CTSZ: variants seen among roughly 807,000 people sequenced by gnomAD.
CTSZ encodes cathepsin Z, also known as carboxypeptidase LB.
A neutral mutation model predicts 32.4 loss-of-function variants in CTSZ; 39 were observed. The observed-to-expected ratio is 1.20, with a 90% CI of 0.93 to 1.57. The LOEUF is 1.57. Ranked by LOEUF, CTSZ falls within the 40% of genes most tolerant of loss-of-function variation. CTSZ has a pLI of 0.00. For synonymous variants in CTSZ, 168 were observed against 170.1 expected, an observed-to-expected ratio of 0.99 and a Z score of 0.10; for missense variants, 397 against 419.6, an observed-to-expected ratio of 0.95 and a Z score of 0.47.
intron 4 of CTSZ, 56 bp downstream of exon 4, chr20:58,997,547 C>T: frequency 6.8e-7 from 1 of 1,474,838 alleles, no homozygotes; most frequent in East Asian, 2.5e-5. Flanking sequence ...CTTTCCTCAC[C>T]CGCGGGACCT....
chr20:58,996,213 A>G (rs1293130238), intron 5 of CTSZ, among the ~76,000 whole-genome samples: 2 of 152,222 alleles, frequency 1.3e-5, no homozygotes, highest in African/African-American at 4.8e-5. Context: ...CAACTCGAGT[A>G]TTTTTGAAAA....
chr20:58,997,769 A>G lies in CTSZ; in HGVS notation c.488-16T>C. On this transcript the variant is annotated splice_polypyrimidine_tract_variant and intron_variant, in intron 3 of 5. Coordinates refer to ENST00000217131, the MANE Select transcript of CTSZ (RefSeq NM_001336.4). ...TTGTCACACTCTGGGGGAGAGCAAG[A>G]AAAGTCAGCATGAGGCCGTCTCCTC... 6.3e-7 allele frequency: 1 copy of G among 1,583,268 alleles called. No individual in the cohort carries two copies. Among genetic ancestry groups the G allele is most frequent in the Non-Finnish European group, 8.6e-7 (1 of 1,164,918 alleles).
At position 58,995,750 on chromosome 20, in the gene CTSZ, C is replaced by T; in HGVS notation, c.811G>A (p.Gly271Ser). The T allele has an allele frequency of 6.2e-7, 1 of 1,614,038 alleles. No homozygotes were observed. Among genetic ancestry groups the T allele is most frequent in the Non-Finnish European group, 8.5e-7 (1 of 1,179,966 alleles). ...NSWGEPWGER[G>S]WLRIVTSTYK... Reference sequence around the variant, plus strand: ...GTGCTGGTCACGATCCTCAGCCAGCCTCTCTCGCCCTGTGAGAAGTGGGAT... The same window carrying T: ...GTGCTGGTCACGATCCTCAGCCAGCTTCTCTCGCCCTGTGAGAAGTGGGAT... The change falls in exon 6 of 6, where the codon GGC becomes AGC. Residue 271 changes from glycine (G) to serine (S), a missense_variant. By Grantham distance (56) the Gly-to-Ser change is moderately conservative. Transcript: ENST00000217131.
intron 3 of CTSZ, among the ~76,000 whole-genome samples, chr20:59,000,404 A>G (rs1317546787): frequency 6.6e-6 from 1 of 152,004 alleles, no homozygotes; most frequent in Non-Finnish European, 1.5e-5. Flanking sequence ...AACAAACAAA[A>G]CCTACCAATT....
rs1484002412 is a variant in CTSZ at position 58,996,632 on chromosome 20, A to C, written c.801+7T>G. ...GGAATGACCTTAAGAAAATGAAAAC[A>C]TCTTACCCATGGTTCACCCCATGAA... On this transcript the variant is annotated splice_region_variant and intron_variant, in intron 5 of 5. Coordinates refer to ENST00000217131, the MANE Select transcript of CTSZ (RefSeq NM_001336.4). The C allele has an allele frequency of 2.5e-6, 4 of 1,613,988 alleles. No individual in the cohort carries two copies. The Admixed American group carries it at 6.7e-5, about 27-fold the overall frequency.
intron 3 of CTSZ, among the ~76,000 whole-genome samples, chr20:58,998,546 CAAAA>C (rs148092871): frequency 1.5e-5 from 2 of 129,130 alleles, no homozygotes; most frequent in Non-Finnish European, 3.2e-5. Context: ...GACTCCGTCT[CAAAA>C]AAAAAGAAAG....
At chr20:59,006,215 T>G in intron 2 of CTSZ, 107 bp downstream of exon 2, 1 of 1,397,936 alleles carries the variant, frequency 7.2e-7, no homozygotes, top group Non-Finnish European at 9.5e-7. Flanking sequence ...CAGGCTGACC[T>G]GGCCTTGAAT....
intron 3 of CTSZ, among the ~76,000 whole-genome samples, chr20:58,998,558 AAG>A (rs1491496650): frequency 4.0e-5 from 6 of 151,088 alleles, no homozygotes; most frequent in African/African-American, 1.2e-4. Context: ...AAAAAAAAGA[AAG>A]AAAGAAAGAA....
rs73297226 is a variant in CTSZ at position 58,997,417 on chromosome 20, T to C, written c.638+186A>G. On this transcript the variant is annotated intron_variant, in intron 4 of 5. Transcript: ENST00000217131. Reference sequence around the variant, plus strand: ...TTAGAGGGGAAATGATGTGGCTGTCTCGAGCCTACTGAGTACAACCGGCCA... The same window carrying C: ...TTAGAGGGGAAATGATGTGGCTGTCCCGAGCCTACTGAGTACAACCGGCCA... 2,466 of 470,068 alleles carry C rather than the reference T, an allele frequency of 5.2e-3. 57 individuals are homozygous for C. The highest frequency in any genetic ancestry group is 0.044 in the African/African-American group (2,214 of 49,848). The allele number at this position is 470,068 out of a possible 1,614,324, so 29.1% of individuals were successfully genotyped here. A position where few individuals can be genotyped will look rare whatever the true frequency, so the allele number is the denominator to read the frequency against.
chr20:58,995,953 T>C (rs1252130384), intron 5 of CTSZ, among the ~76,000 whole-genome samples, 194 bp from the exon 6 acceptor site: 1 of 152,246 alleles, frequency 6.6e-6, no homozygotes, highest in Non-Finnish European at 1.5e-5. Context: ...ACATTTCACT[T>C]GGTTAATGTT....
intron 3 of CTSZ, among the ~76,000 whole-genome samples, chr20:58,999,237 T>G (rs1003974677): frequency 6.6e-6 from 1 of 152,058 alleles, no homozygotes; most frequent in Non-Finnish European, 1.5e-5. Context: ...GGTTTTACCA[T>G]GTTGGCCAGT....
At chr20:58,997,808 C>A in intron 3 of CTSZ, 55 bp from the exon 4 acceptor site, 2 of 1,494,306 alleles carry the variant, frequency 1.3e-6, no homozygotes, top group East Asian at 2.4e-5. Flanking sequence ...AACCCACTGA[C>A]AAAGAAGCCC....
At chr20:59,001,242 G>A (rs1284710966) in intron 3 of CTSZ, among the ~76,000 whole-genome samples, 8 of 152,224 alleles carry the variant, frequency 5.3e-5, no homozygotes, top group African/African-American at 1.9e-4. Context: ...AGATAGCAGA[G>A]GGGGCTTCTG....
chr20:59,000,483 G>T (rs2091884205), intron 3 of CTSZ, among the ~76,000 whole-genome samples: 1 of 152,240 alleles, frequency 6.6e-6, no homozygotes, highest in African/African-American at 2.4e-5. Flanking sequence ...GAATGTGCCA[G>T]CTCTAGGGAT....
In CTSZ at chr20:59,007,036, C is replaced by G. The variant is rs1217682081; in HGVS notation, c.93G>C (p.Gln31His). The G allele has an allele frequency of 6.8e-7, 1 of 1,472,632 alleles. No individual in the cohort carries two copies. Among genetic ancestry groups the G allele is most frequent in the South Asian group, 1.3e-5 (1 of 77,934 alleles). 91.2% of individuals were successfully genotyped at this position (1,472,632 alleles called of 1,614,324 possible). Residue 31 changes from glutamine (Q) to histidine (H), a missense_variant, in exon 1 of 6, where the codon CAG (glutamine) becomes CAC (histidine). By Grantham distance (24) the Gln-to-His change is conservative. Transcript: ENST00000217131. ...AQGGLYFRRG[Q>H]TCYRPLRGDG... ...CCCCCCGCAGAGGCCGGTAGCAGGTCTGTCCCCGGCGGAAGTAGAGGCCGC... is the reference window on the plus strand; with the variant it reads ...CCCCCCGCAGAGGCCGGTAGCAGGTGTGTCCCCGGCGGAAGTAGAGGCCGC...
At chr20:58,998,796 ACGG>A (rs1176339572) in intron 3 of CTSZ, among the ~76,000 whole-genome samples, 2 of 152,202 alleles carry the variant, frequency 1.3e-5, no homozygotes, top group Non-Finnish European at 2.9e-5. Flanking sequence ...CTCCATCCAC[ACGG>A]CGGCCCTCGG....
intron 5 of CTSZ, 113 bp downstream of exon 5, chr20:58,996,526 A>G: frequency 8.9e-7 from 1 of 1,129,594 alleles, no homozygotes; most frequent in South Asian, 1.3e-5. Flanking sequence ...GGAGCAAGGA[A>G]CCCTCTGTCA....
chr20:58,999,042 C>T (rs1568682294), intron 3 of CTSZ, among the ~76,000 whole-genome samples: 5 of 148,354 alleles, frequency 3.4e-5, no homozygotes, highest in African/African-American at 9.9e-5. Flanking sequence ...CTTTTCTTTT[C>T]TTTTTTTTTT....
chr20:59,001,220 C>A (rs2091887592), intron 3 of CTSZ, among the ~76,000 whole-genome samples: 1 of 152,206 alleles, frequency 6.6e-6, no homozygotes, highest in African/African-American at 2.4e-5. Flanking sequence ...ATCCCCAGCC[C>A]AAGCGGGTGC....
Sources: gnomAD v4.1 joint callset for allele counts (sites outside exome capture counted in the v4.1 genomes callset) on GRCh38, gnomAD v4.1.1 for gene constraint, MANE v1.5 for transcripts, NCBI Gene and HGNC (gene_info 2026-07-23, HGNC 2026-07-21) for gene names.